The following KLHL1 variants were observed in gnomAD, a reference collection of about 807,000 sequenced individuals.
KLHL1 encodes kelch-like protein 1.
A neutral mutation model predicts 77.7 loss-of-function variants in KLHL1; 47 were observed. The observed-to-expected ratio is 0.60, with a 90% CI of 0.48 to 0.77. The LOEUF (loss-of-function observed/expected upper bound fraction) is 0.77, where lower values mean the gene tolerates loss of function less well. Among genes scored for constraint, KLHL1 ranks in the 30% least tolerant of loss-of-function variants. The pLI, the probability that KLHL1 is intolerant of heterozygous loss-of-function variation, is 0.00. For missense variants in KLHL1, 925 were observed against 910.8 expected (o/e 1.02, Z -0.20); for synonymous variants, 360 against 325.2 (o/e 1.11, Z -1.15).
intron 3 of KLHL1, among the ~76,000 whole-genome samples, chr13:69,950,720 T>G (rs1883681710): frequency 6.6e-6 from 1 of 151,708 alleles, no homozygotes; most frequent in African/African-American, 2.4e-5. Context: ...GAACATATAC[T>G]CTTGAATTCG....
At position 69,740,410 on chromosome 13, in the gene KLHL1, C is replaced by A; in HGVS notation, c.1786G>T (p.Ala596Ser). ...MSIARSTVGV[A>S]ALNGKLYSVG... ...TTTACTTACTTGCCATTCAATGCTG[C>A]TACACCAACTGTGCTCCGAGCAATT... Residue 596 changes from alanine to serine, a missense_variant, in exon 8 of 11, where the codon GCA becomes TCA. Transcript: ENST00000377844. 6.2e-7 allele frequency: 1 copy of A among 1,600,008 alleles called. No individual in the cohort carries two copies. The highest frequency in any genetic ancestry group is 1.1e-5 in the South Asian group (1 of 88,458).
rs1566309085 is a variant in KLHL1, at chr13:69,837,659, T to C, written c.1414+1317A>G. Among the ~76,000 whole-genome samples the C allele has an allele frequency of 6.0e-5, 8 of 132,764 alleles. 1 individual carries two copies. Among genetic ancestry groups the C allele is most frequent in the African/African-American group, 2.2e-4 (7 of 32,518 alleles). The allele number at this position is 132,764 out of a possible 152,430, so 87.1% of individuals were successfully genotyped here. On this transcript the variant is annotated intron_variant, in intron 6 of 10. Transcript: ENST00000377844. ...ATATATATATGTGTATATATATATG[T>C]GTGTGTGTGTGTATATATATATATA...
chr13:69,908,487 T>C (rs1455758766), intron 4 of KLHL1, among the ~76,000 whole-genome samples: 3 of 149,762 alleles, frequency 2.0e-5, no homozygotes, highest in Non-Finnish European at 4.4e-5. Context: ...AAGGATAACA[T>C]TTATATAGTT....
intron 1 of KLHL1, among the ~76,000 whole-genome samples, chr13:70,105,152 A>C (rs1213228462): frequency 6.6e-6 from 1 of 152,032 alleles, no homozygotes; most frequent in South Asian, 2.1e-4. Context: ...GATTCCAACA[A>C]TAAAGATGAT....
Position 69,903,630 on chromosome 13 carries a change from C to CTTTTTTTTT in KLHL1, c.1015-21144_1015-21136dup, listed in dbSNP as rs35761520. Among the ~76,000 whole-genome samples, 108 of 50,204 alleles carry CTTTTTTTTT rather than the reference C, an allele frequency of 2.2e-3. 23 individuals are homozygous for CTTTTTTTTT. The highest frequency in any genetic ancestry group is 3.7e-3 in the East Asian group (5 of 1,334). The allele number at this position is 50,204 out of a possible 152,430, so 32.9% of individuals were successfully genotyped here. ...TTTGCAGAAAACCCTTGTTCACATT[C>CTTTTTTTTT]TTTTTTTTTTTTTTTTTTTTTTTTT... On this transcript the variant is annotated intron_variant, in intron 4 of 10. Coordinates refer to ENST00000377844, the MANE Select transcript of KLHL1 (RefSeq NM_020866.3).
chr13:70,086,082 A>T (rs183899780), intron 1 of KLHL1, among the ~76,000 whole-genome samples: 17 of 152,132 alleles, frequency 1.1e-4, no homozygotes, highest in Non-Finnish European at 2.2e-4. Flanking sequence ...TTCCCATCTT[A>T]TCTAATGGAA....
At chr13:69,999,000 C>T (rs1012536336) in intron 1 of KLHL1, among the ~76,000 whole-genome samples, 1 of 152,020 alleles carries the variant, frequency 6.6e-6, no homozygotes, top group South Asian at 2.1e-4. Context: ...CTAGAGGTCA[C>T]TGACACTTCT....
At chr13:70,003,906 A>T (rs1885350981) in intron 1 of KLHL1, among the ~76,000 whole-genome samples, 1 of 151,956 alleles carries the variant, frequency 6.6e-6, no homozygotes, top group East Asian at 1.9e-4. Flanking sequence ...CAAATTTAAT[A>T]TACGGACAGT....
At chr13:69,736,230 C>A (rs1311912794) in intron 8 of KLHL1, among the ~76,000 whole-genome samples, 1 of 152,050 alleles carries the variant, frequency 6.6e-6, no homozygotes, top group Non-Finnish European at 1.5e-5. Flanking sequence ...GGGCTAAGGA[C>A]ATGAATAGAC....
At chr13:69,794,641 A>T (rs1877024290) in intron 7 of KLHL1, among the ~76,000 whole-genome samples, 1 of 152,126 alleles carries the variant, frequency 6.6e-6, no homozygotes, top group Non-Finnish European at 1.5e-5. Context: ...GCAGATAGGA[A>T]TTTGAAATAG....
chr13:69,766,536 AAAT>A (rs1875312472), intron 7 of KLHL1, among the ~76,000 whole-genome samples: 1 of 151,786 alleles, frequency 6.6e-6, no homozygotes, highest in African/African-American at 2.4e-5. Flanking sequence ...AATGAGCAAA[AAAT>A]AATAATGATA....
At chr13:69,934,373 T>G (rs1883101844) in intron 4 of KLHL1, among the ~76,000 whole-genome samples, 1 of 152,098 alleles carries the variant, frequency 6.6e-6, no homozygotes, top group Non-Finnish European at 1.5e-5. Flanking sequence ...CTTTGTAAAA[T>G]TTACCTATAT....
chr13:69,984,337 G>C (rs1008848257), intron 1 of KLHL1, among the ~76,000 whole-genome samples: 1 of 152,160 alleles, frequency 6.6e-6, no homozygotes, highest in African/African-American at 2.4e-5. Context: ...ACAGGTGAAT[G>C]CTGGCAATCG....
chr13:70,089,626 G>C (rs1887627051), intron 1 of KLHL1, among the ~76,000 whole-genome samples: 1 of 151,972 alleles, frequency 6.6e-6, no homozygotes, highest in Non-Finnish European at 1.5e-5. Flanking sequence ...ATATTTAAGT[G>C]TATAATTCTA....
chr13:70,054,441 A>G (rs1280053695), intron 1 of KLHL1, among the ~76,000 whole-genome samples: 2 of 152,054 alleles, frequency 1.3e-5, no homozygotes, highest in Admixed American at 1.3e-4. Flanking sequence ...TTATTGCATT[A>G]TAGTAGCCCA....
rs151052394 is a variant in KLHL1 at position 69,847,973 on chromosome 13, G to A, written c.1228-8811C>T. 1.6e-3 allele frequency among the ~76,000 whole-genome samples: 242 copies of A among 151,588 alleles called. 2 individuals are homozygous for A. In the Middle Eastern group the frequency reaches 0.017, roughly 11 times the overall value. On this transcript the variant is annotated intron_variant, in intron 5 of 10. Transcript: ENST00000377844. ...AATTTCAGGTATTTGCATTAAAGCA[G>A]TCTAAGACATTCCACAGGGAAACAA... is the stretch of plus-strand genomic sequence containing the variant.
At chr13:69,785,435 TAAAG>T (rs1248006139) in intron 7 of KLHL1, among the ~76,000 whole-genome samples, 1 of 151,890 alleles carries the variant, frequency 6.6e-6, no homozygotes, top group Non-Finnish European at 1.5e-5. Context: ...AAGGCAGAAA[TAAAG>T]ATGTTCTTTG....
chr13:69,946,855 T>C (rs952112082), intron 3 of KLHL1, among the ~76,000 whole-genome samples: 3 of 151,466 alleles, frequency 2.0e-5, no homozygotes, highest in African/African-American at 2.5e-5. Context: ...AACATGATTA[T>C]AGTCATGACA....
chr13:69,765,334 G>C (rs1195558284), intron 7 of KLHL1, among the ~76,000 whole-genome samples: 2 of 151,910 alleles, frequency 1.3e-5, no homozygotes, highest in Non-Finnish European at 2.9e-5. Flanking sequence ...AACACATATT[G>C]ATGTAAAAGC....
Sources: allele counts gnomAD v4.1 joint callset (sites outside exome capture counted in the v4.1 genomes callset), GRCh38; gene constraint gnomAD v4.1.1; transcripts MANE v1.5; gene names NCBI Gene and HGNC (gene_info 2026-07-23, HGNC 2026-07-21).